GLP2R: variants seen among roughly 807,000 people sequenced by gnomAD.
GLP2R encodes the protein glucagon-like peptide 2 receptor.
Under a neutral mutation model 68.2 loss-of-function variants are expected in GLP2R, and 59 were observed. The observed-to-expected ratio is 0.87, with a 90% confidence interval of 0.70 to 1.07. The LOEUF (loss-of-function observed/expected upper bound fraction) is 1.07. GLP2R is among the 50% of genes least tolerant of loss of function. GLP2R has a pLI of 0.00. For synonymous variants in GLP2R, 270 were observed against 265.4 expected (o/e 1.02, Z -0.17); for missense variants, 548 against 677.4 (o/e 0.81, Z 2.12).
At chr17:9,846,122 C>T (rs539437629) in intron 4 of GLP2R, among the ~76,000 whole-genome samples, 18 of 152,124 alleles carry the variant, frequency 1.2e-4, no homozygotes, top group African/African-American at 2.9e-4. Flanking sequence ...GTTTTCATCA[C>T]GGTTTCAACT....
chr17:9,833,869 G>A lies in GLP2R; in HGVS notation c.252G>A (p.Leu84=). 1 of 1,612,296 alleles carries A rather than the reference G, an allele frequency of 6.2e-7. No homozygotes were observed. Among genetic ancestry groups the A allele is most frequent in the Non-Finnish European group, 8.5e-7 (1 of 1,178,274 alleles). The part of the protein sequence containing the change: ...RKWAQYKQAC[L]RDLLKEPSGI... ...GGGCTCAGTACAAACAGGCATGTCT[G>A]AGAGACTTACTCAAGGAACCTTCTG... Residue 84 remains leucine (L), a synonymous_variant, in exon 2 of 13, where the codon CTG becomes CTA. Transcript: ENST00000262441.
intron 5 of GLP2R, 25 bp from the exon 6 acceptor site, chr17:9,857,398 G>T: frequency 6.2e-7 from 1 of 1,612,578 alleles, no homozygotes; most frequent in Non-Finnish European, 8.5e-7. Flanking sequence ...CCTGAGGGAA[G>T]GCATTTGGTT....
rs1004049772 is a variant in GLP2R, at chr17:9,860,079, C to T, written c.903C>T (p.Pro301=). The part of the protein sequence containing the change: ...PTVLPERRLW[P]RYLLLGWAFP... ...TGCTTCCTGAGAGGCGGCTGTGGCC[C>T]AGATACCTGCTGTTGGGTTGGGGTG... is the stretch of plus-strand genomic sequence containing the variant. Residue 301 remains proline (P), a synonymous_variant, in exon 7 of 13, where the codon CCC becomes CCT. Coordinates refer to ENST00000262441, the MANE Select transcript of GLP2R (RefSeq NM_004246.3). 7.5e-6 allele frequency: 12 copies of T among 1,608,848 alleles called. No homozygotes were observed. The African/African-American group carries it at 1.6e-4, about 21-fold the overall frequency.
At chr17:9,847,999 C>T (rs1352776033) in intron 4 of GLP2R, among the ~76,000 whole-genome samples, 9 of 152,186 alleles carry the variant, frequency 5.9e-5, no homozygotes, top group East Asian at 3.8e-4. Context: ...TTCCATCAGA[C>T]GTGAAGAACC....
intron 1 of GLP2R, among the ~76,000 whole-genome samples, chr17:9,830,828 A>G (rs1450608128): frequency 6.6e-6 from 1 of 152,228 alleles, no homozygotes; most frequent in Non-Finnish European, 1.5e-5. Flanking sequence ...ATTACAAAGC[A>G]AGTATAGCAC....
Position 9,844,730 on chromosome 17 carries a change from A to ACCT in GLP2R, c.504+2115_504+2117dup, listed in dbSNP as rs550795126. Reference sequence around the variant, plus strand: ...TTGTGAGGCAGAGTCTCGCTCTGTCACCTAGGCTGGAGTGCAATGGCATGA... The same window carrying ACCT: ...TTGTGAGGCAGAGTCTCGCTCTGTCACCTCCTAGGCTGGAGTGCAATGGCATGA... On this transcript the variant is annotated intron_variant, in intron 4 of 12. Transcript: ENST00000262441. Among the ~76,000 whole-genome samples, 9 of 110,198 alleles carry ACCT rather than the reference A, an allele frequency of 8.2e-5. No individual in the cohort carries two copies. The South Asian group carries it at 2.8e-3, about 34-fold the overall frequency. 72.3% of individuals were successfully genotyped at this position (110,198 alleles called of 152,430 possible). A position where few individuals can be genotyped will look rare whatever the true frequency, so the allele number is the denominator to read the frequency against.
intron 2 of GLP2R, among the ~76,000 whole-genome samples, chr17:9,834,235 A>G (rs879927915): frequency 6.6e-6 from 1 of 152,144 alleles, no homozygotes; most frequent in Non-Finnish European, 1.5e-5. Flanking sequence ...ACAAAGCTCT[A>G]CTCAGGCTAA....
Position 9,887,967 on chromosome 17 carries a change from T to A in GLP2R, c.1320T>A (p.Asn440Lys). Reference protein sequence around the residue: ...FLVALQYGFANGEVKAELRKY... With the variant: ...FLVALQYGFAKGEVKAELRKY... ...TGGCCTTGCAGTATGGTTTTGCCAA[T>A]GGAGAGGTATGATTTCCACGTTGCC... Residue 440 changes from asparagine to lysine, a missense_variant, in exon 12 of 13, where the codon AAT (asparagine) becomes AAA (lysine). By Grantham distance (94) the Asn-to-Lys change is moderately conservative (BLOSUM62 0). Transcript: ENST00000262441. 1.2e-6 allele frequency: 2 copies of A among 1,609,902 alleles called. No individual in the cohort carries two copies. The highest frequency in any genetic ancestry group is 1.7e-6 in the Non-Finnish European group (2 of 1,176,144).
At chr17:9,859,477 A>G (rs2066964386) in intron 6 of GLP2R, among the ~76,000 whole-genome samples, 2 of 151,968 alleles carry the variant, frequency 1.3e-5, no homozygotes, top group African/African-American at 4.8e-5. Context: ...ATGGTCAGCA[A>G]AGGTCTGGGA....
intron 10 of GLP2R, among the ~76,000 whole-genome samples, chr17:9,880,120 C>T (rs2067182010): frequency 1.3e-5 from 2 of 152,178 alleles, no homozygotes; most frequent in South Asian, 2.1e-4. Context: ...AGACATATGA[C>T]AATCTATACA....
chr17:9,890,155 A>C lies in GLP2R; in HGVS notation c.*450A>C, dbSNP rs2067279369. 4.6e-6 allele frequency: 2 copies of C among 433,572 alleles called. No individual in the cohort carries two copies. The highest frequency in any genetic ancestry group is 9.2e-6 in the Non-Finnish European group (2 of 217,802). The allele number at this position is 433,572 out of a possible 1,614,324, so 26.9% of individuals were successfully genotyped here. ...ATCCTAGACTTGTGGCTAAGATTCT[A>C]AGACAGTGAGTCTGGGACCATGGCC... is the stretch of plus-strand genomic sequence containing the variant. On this transcript the variant is annotated 3_prime_UTR_variant, in exon 13 of 13. Transcript: ENST00000262441.
At chr17:9,870,877 G>A (rs766437849) in intron 10 of GLP2R, 42 bp downstream of exon 10, 10 of 903,408 alleles carry the variant, frequency 1.1e-5, no homozygotes, top group South Asian at 5.3e-5. Context: ...CAAGGTTATT[G>A]TAAGTACTCT....
chr17:9,871,487 T>A (rs117056208), intron 10 of GLP2R, among the ~76,000 whole-genome samples: 3,869 of 152,228 alleles, frequency 0.025, 66 homozygotes, highest in Non-Finnish European at 0.038. Flanking sequence ...CCTTGAGAAA[T>A]GAGACCACAA....
At chr17:9,864,825 A>G (rs1270494946) in intron 9 of GLP2R, among the ~76,000 whole-genome samples, 1 of 151,954 alleles carries the variant, frequency 6.6e-6, no homozygotes, top group Non-Finnish European at 1.5e-5. Context: ...GTCTGGCCCC[A>G]CTGTAGTTTT....
chr17:9,858,283 A>G (rs758880936), intron 6 of GLP2R, among the ~76,000 whole-genome samples: 1 of 152,214 alleles, frequency 6.6e-6, no homozygotes, highest in Non-Finnish European at 1.5e-5. Context: ...TTTTTCCTTT[A>G]TCCTGCTAAT....
intron 11 of GLP2R, among the ~76,000 whole-genome samples, chr17:9,880,934 G>T (rs917597089): frequency 2.0e-5 from 3 of 152,208 alleles, no homozygotes; most frequent in Non-Finnish European, 4.4e-5. Flanking sequence ...CAGACCAGGA[G>T]GCTATTGAAC....
chr17:9,850,407 T>C (rs2066880584), intron 4 of GLP2R, among the ~76,000 whole-genome samples: 1 of 152,238 alleles, frequency 6.6e-6, no homozygotes. Context: ...CACAAGTGCA[T>C]GCATTTCTTT....
At chr17:9,876,832 A>G (rs2067145896) in intron 10 of GLP2R, among the ~76,000 whole-genome samples, 2 of 152,258 alleles carry the variant, frequency 1.3e-5, no homozygotes, top group African/African-American at 4.8e-5. Context: ...TTGAGTTATA[A>G]GCAACCGAAA....
intron 1 of GLP2R, among the ~76,000 whole-genome samples, chr17:9,827,278 G>A (rs1276276005): frequency 1.3e-5 from 2 of 151,912 alleles, no homozygotes; most frequent in Non-Finnish European, 2.9e-5. Flanking sequence ...ACATCACTAT[G>A]GAGCACTTGC....
Sources: gnomAD v4.1 joint callset for allele counts (sites outside exome capture counted in the v4.1 genomes callset) on GRCh38, gnomAD v4.1.1 for gene constraint, MANE v1.5 for transcripts, NCBI Gene and HGNC (gene_info 2026-07-23, HGNC 2026-07-21) for gene names.